The following MYH11 variants were observed in gnomAD, a reference collection of about 807,000 sequenced individuals.
MYH11 encodes myosin heavy chain 11, also known as myosin-11.
A neutral mutation model predicts 246.6 loss-of-function variants in MYH11; 80 were observed. The observed-to-expected ratio is 0.32, with a 90% CI of 0.27 to 0.39. The LOEUF is 0.39. Ranked by LOEUF, MYH11 falls within the 10% of genes least tolerant of loss-of-function variation. MYH11 has a pLI of 1.00. For synonymous variants in MYH11, 1,071 were observed against 1,015.5 expected (o/e 1.05, Z -1.04); for missense variants, 2,158 against 2,546.8 (o/e 0.85, Z 3.29).
intron 26 of MYH11, among the ~76,000 whole-genome samples, chr16:15,733,683 C>T (rs551582078): frequency 6.6e-6 from 1 of 152,054 alleles, no homozygotes; most frequent in East Asian, 1.9e-4. Flanking sequence ...GCTGGGATTA[C>T]CGACGCCCAC....
intron 1 of MYH11, 79 bp downstream of exon 1, chr16:15,856,862 G>C (rs1390352223): frequency 6.6e-6 from 1 of 151,866 alleles, no homozygotes; most frequent in African/African-American, 2.4e-5. Context: ...GTGCACCCCA[G>C]CCCCTATAGA....
intron 3 of MYH11, among the ~76,000 whole-genome samples, chr16:15,810,893 G>T (rs1446647717): frequency 1.3e-5 from 2 of 152,154 alleles, no homozygotes; most frequent in Non-Finnish European, 2.9e-5. Flanking sequence ...TAGGGAAGAG[G>T]TTATAGACAG....
chr16:15,791,238 G>A (rs1425061450), intron 4 of MYH11: 2 of 152,194 alleles, frequency 1.3e-5, no homozygotes, highest in Non-Finnish European at 2.9e-5. Context: ...TTCCAGGTGT[G>A]AGTCACTGCA....
At chr16:15,784,943 C>T (rs2042434530) in intron 5 of MYH11, 1 of 524,726 alleles carries the variant, frequency 1.9e-6, no homozygotes, top group Admixed American at 3.3e-5. Context: ...AGGCAATCCT[C>T]CTGCCTCAGC....
At position 15,806,086 on chromosome 16, in the gene MYH11, G is replaced by T. The variant is rs1042013400; in HGVS notation, c.503-7399C>A. 4.7e-4 allele frequency among the ~76,000 whole-genome samples: 71 copies of T among 150,890 alleles called. 1 individual carries two copies. Among genetic ancestry groups the T allele is most frequent in the Non-Finnish European group, 3.4e-4 (23 of 67,968 alleles). On this transcript the variant is annotated intron_variant, in intron 3 of 40. Coordinates refer to ENST00000300036, the MANE Select transcript of MYH11 (RefSeq NM_002474.3). ...GAGGTCAGGAGTTCAAGACCAGCCT[G>T]GCCAATACAGTGAAACCCCGTCTCT... is the stretch of plus-strand genomic sequence containing the variant.
Position 15,828,221 on chromosome 16 carries a change from C to T in MYH11, c.346-4810G>A, listed in dbSNP as rs138496558. ...CAGGGAGGCATACGAACAAGCCCTT[C>T]ATAGATGTGCTGCGAGATAATGCTC... On this transcript the variant is annotated intron_variant, in intron 2 of 40. Coordinates refer to ENST00000300036, the MANE Select transcript of MYH11 (RefSeq NM_002474.3). 4.6e-5 allele frequency among the ~76,000 whole-genome samples: 7 copies of T among 152,336 alleles called. No homozygotes were observed. In the East Asian group the frequency reaches 1.2e-3, roughly 25 times the overall value.
At chr16:15,739,907 A>C (rs1358706686) in intron 23 of MYH11, 144 bp downstream of exon 23, 1 of 853,000 alleles carries the variant, frequency 1.2e-6, no homozygotes. Flanking sequence ...ACACCTGGCT[A>C]ATCTTTGTAT....
chr16:15,784,586 T>C (rs1032026751), intron 5 of MYH11: 4 of 1,149,252 alleles, frequency 3.5e-6, no homozygotes, highest in Non-Finnish European at 5.1e-6. Context: ...CTCTAGGGCC[T>C]ACCCCATTTC....
At chr16:15,802,971 AC>A (rs2042921659) in intron 3 of MYH11, among the ~76,000 whole-genome samples, 1 of 151,982 alleles carries the variant, frequency 6.6e-6, no homozygotes, top group African/African-American at 2.4e-5. Flanking sequence ...ACCCATCTCT[AC>A]TAAAAATACA....
chr16:15,763,760 C>CCCCCAAAAAAAAAAGA, intron 10 of MYH11, 36 bp downstream of exon 10: 1 of 1,192,092 alleles, frequency 8.4e-7, no homozygotes, highest in Non-Finnish European at 1.3e-6. Context: ...CCCCCAACCC[C>CCCCCAAAAAAAAAAGA]AAAGTCATTG....
intron 9 of MYH11, among the ~76,000 whole-genome samples, chr16:15,765,027 C>T (rs1426402908): frequency 1.3e-5 from 2 of 152,216 alleles, no homozygotes; most frequent in African/African-American, 4.8e-5. Context: ...CCCATAAGAC[C>T]ATGAGTTTCT....
At position 15,750,207 on chromosome 16, in the gene MYH11, C is replaced by T. The variant is rs138581000; in HGVS notation, c.1989G>A (p.Lys663=). ...TGGTGTTGCGTAGCGTGGTCATCAG[C>T]TTGCCCAGCTGCTCCTTGTACAGCT... ...VGQLYKEQLG[K]LMTTLRNTTP... The change falls in exon 16 of 41, where the codon AAG becomes AAA. Residue 663 remains lysine, a synonymous_variant. Coordinates refer to ENST00000300036, the MANE Select transcript of MYH11 (RefSeq NM_002474.3). This position sits in a 1 kb window ranked among gnomAD's most constrained non-coding sequence, Gnocchi z 4.3. The T allele has an allele frequency of 5.6e-5, 90 of 1,614,262 alleles. No individual in the cohort carries two copies. The African/African-American group carries it at 1.1e-3, about 20-fold the overall frequency.
At chr16:15,719,875 C>G (rs1257652751) in intron 34 of MYH11, among the ~76,000 whole-genome samples, 162 bp from the exon 35 acceptor site, 1 of 152,260 alleles carries the variant, frequency 6.6e-6, no homozygotes, top group African/African-American at 2.4e-5. Flanking sequence ...GCTGGTGGTG[C>G]GCTGGGAGCA....
At chr16:15,741,359 A>C (rs540854774) in intron 22 of MYH11, 104 bp downstream of exon 22, 1 of 1,294,180 alleles carries the variant, frequency 7.7e-7, no homozygotes, top group Non-Finnish European at 1.1e-6. Flanking sequence ...CCGTCTCATC[A>C]TCTGTCCCAG....
intron 11 of MYH11, among the ~76,000 whole-genome samples, chr16:15,760,069 C>A (rs948425424): frequency 2.0e-5 from 3 of 152,092 alleles, no homozygotes; most frequent in Non-Finnish European, 4.4e-5. Context: ...TGCACCCCCC[C>A]CTGGGCAACA....
Position 15,709,807 on chromosome 16 carries a change from A to G in MYH11, c.5786+5102T>C, listed in dbSNP as rs561367890. 1.4e-4 allele frequency among the ~76,000 whole-genome samples: 22 copies of G among 152,308 alleles called. 1 individual carries two copies. The South Asian group carries it at 4.6e-3, about 32-fold the overall frequency. ...GCAGCCGCCTGTCCCTTGGTTTATG[A>G]TTACTTGCTCTTCATTAGCTTTCGG... On this transcript the variant is annotated intron_variant, in intron 40 of 40. Transcript: ENST00000300036.
chr16:15,740,426 G>A (rs952897966), intron 22 of MYH11, among the ~76,000 whole-genome samples: 2 of 151,942 alleles, frequency 1.3e-5, no homozygotes, highest in South Asian at 2.1e-4. Flanking sequence ...TGGCCAACAT[G>A]GTGAAACCCC....
Position 15,771,668 on chromosome 16 carries a change from T to G in MYH11, c.934A>C (p.Asn312His). 6.2e-7 allele frequency: 1 copy of G among 1,614,050 alleles called. No individual in the cohort carries two copies. The highest frequency in any genetic ancestry group is 8.5e-7 in the Non-Finnish European group (1 of 1,180,012). The change falls in exon 9 of 41, where the codon AAT becomes CAT. Residue 312 changes from asparagine (N) to histidine (H), a missense_variant. Coordinates refer to ENST00000300036, the MANE Select transcript of MYH11 (RefSeq NM_002474.3). Reference protein sequence around the residue: ...EGFNNYTFLSNGFVPIPAAQD... With the variant: ...EGFNNYTFLSHGFVPIPAAQD... ...GCTGCTGGGATGGGCACAAAGCCAT[T>G]GGAGAGGAAGGTGTAGTTGTTGAAG...
Position 15,771,653 on chromosome 16 carries a change from T to A in MYH11, c.949A>T (p.Ile317Phe), listed in dbSNP as rs775696743. Residue 317 changes from isoleucine (I) to phenylalanine (F), a missense_variant, in exon 9 of 41, where the codon ATC becomes TTC. Physicochemically the swap from Ile to Phe is conservative, Grantham distance 21. Coordinates refer to ENST00000300036, the MANE Select transcript of MYH11 (RefSeq NM_002474.3). Reference protein sequence around the residue: ...YTFLSNGFVPIPAAQDDEMFQ... With the variant: ...YTFLSNGFVPFPAAQDDEMFQ... The stretch of plus-strand genomic sequence containing the variant: ...ATCTCATCATCCTGGGCTGCTGGGA[T>A]GGGCACAAAGCCATTGGAGAGGAAG... The A allele has an allele frequency of 1.2e-6, 2 of 1,614,082 alleles. No individual in the cohort carries two copies. Among genetic ancestry groups the A allele is most frequent in the Non-Finnish European group, 1.7e-6 (2 of 1,180,024 alleles).
Sources: allele counts gnomAD v4.1 joint callset (sites outside exome capture counted in the v4.1 genomes callset), GRCh38; gene constraint gnomAD v4.1.1; non-coding constraint Gnocchi (gnomAD v3.1); transcripts MANE v1.5; gene names NCBI Gene and HGNC (gene_info 2026-07-23, HGNC 2026-07-21).